SLC15A1: variants seen among roughly 807,000 people sequenced by gnomAD.
The protein encoded by SLC15A1 is solute carrier family 15 member 1.
Under a neutral mutation model 92.9 loss-of-function variants are expected in SLC15A1, and 83 were observed. The ratio of observed to expected loss-of-function variants is 0.89; its 90% CI spans 0.75 to 1.07. SLC15A1 has a LOEUF of 1.07. SLC15A1 is among the 50% of genes least tolerant of loss of function. SLC15A1 has a pLI of 0.00. For synonymous variants in SLC15A1, 322 were observed against 318.2 expected, an observed-to-expected ratio of 1.01 and a Z score of -0.13; for missense variants, 857 against 880.1, an observed-to-expected ratio of 0.97 and a Z score of 0.33.
intron 1 of SLC15A1, among the ~76,000 whole-genome samples, chr13:98,728,841 C>T (rs1448963898): frequency 6.6e-6 from 1 of 151,590 alleles, no homozygotes; most frequent in Non-Finnish European, 1.5e-5. Context: ...ATTAGCTGGG[C>T]ATGGTGGCAC....
intron 1 of SLC15A1, among the ~76,000 whole-genome samples, chr13:98,747,325 C>T (rs2088500984): frequency 6.6e-6 from 1 of 152,154 alleles, no homozygotes; most frequent in Non-Finnish European, 1.5e-5. Flanking sequence ...CCCACTTTCT[C>T]ATCCTGCAAA....
chr13:98,748,526 C>G (rs1231002225), intron 1 of SLC15A1, among the ~76,000 whole-genome samples: 1 of 152,172 alleles, frequency 6.6e-6, no homozygotes, highest in African/African-American at 2.4e-5. Context: ...AACTCCTGAG[C>G]TCAAATGATC....
Position 98,709,584 on chromosome 13 carries a change from C to A in SLC15A1, c.1055G>T (p.Gly352Val), listed in dbSNP as rs760207811. ...AVLYPLIAKC[G>V]FNFTSLKKMA... ...ACCCGTCACCTACGTGAAATTGAAG[C>A]CACATTTTGCAATGAGAGGGTACAG... Residue 352 changes from glycine (G) to valine (V), a missense_variant, in exon 14 of 23, where the codon GGC becomes GTC. Gly to Val is a moderately radical substitution (Grantham distance 109). Coordinates refer to ENST00000376503, the MANE Select transcript of SLC15A1 (RefSeq NM_005073.4). 6.2e-6 allele frequency: 10 copies of A among 1,614,038 alleles called. No homozygotes were observed. The highest frequency in any genetic ancestry group is 8.5e-6 in the Non-Finnish European group (10 of 1,180,032).
chr13:98,714,572 T>A (rs780575249), intron 9 of SLC15A1, among the ~76,000 whole-genome samples: 1 of 148,748 alleles, frequency 6.7e-6, no homozygotes, highest in Admixed American at 6.8e-5. Flanking sequence ...GGAGAATCGC[T>A]TGAACTGGGA....
At chr13:98,729,073 A>AATGAT (rs939572246) in intron 1 of SLC15A1, among the ~76,000 whole-genome samples, 1 of 151,142 alleles carries the variant, frequency 6.6e-6, no homozygotes, top group African/African-American at 2.4e-5. Flanking sequence ...AACACAAAGA[A>AATGAT]ATGATCAAGG....
At chr13:98,721,717 G>T in intron 6 of SLC15A1, 87 bp downstream of exon 6, 2 of 1,366,564 alleles carry the variant, frequency 1.5e-6, no homozygotes, top group Non-Finnish European at 2.0e-6. Context: ...AAAAGAATCC[G>T]ATGTAGAACA....
intron 1 of SLC15A1, among the ~76,000 whole-genome samples, chr13:98,751,138 C>A (rs139923530): frequency 6.6e-6 from 1 of 152,252 alleles, no homozygotes; most frequent in Non-Finnish European, 1.5e-5. Context: ...TACTAACTAA[C>A]CCTTGATATT....
chr13:98,702,578 TAG>T, intron 17 of SLC15A1, 49 bp from the exon 18 acceptor site: 2 of 1,374,660 alleles, frequency 1.5e-6, no homozygotes, highest in Non-Finnish European at 2.1e-6. Context: ...TAATATTCAT[TAG>T]AATGAGTTCA....
Position 98,702,487 on chromosome 13 carries a change from C to T in SLC15A1, c.1459G>A (p.Gly487Arg), listed in dbSNP as rs1374107908. 1.0e-5 allele frequency: 16 copies of T among 1,606,194 alleles called. No individual in the cohort carries two copies. The highest frequency in any genetic ancestry group is 2.2e-5 in the South Asian group (2 of 90,840). The change falls in exon 18 of 23, where the codon GGA becomes AGA. Residue 487 changes from glycine to arginine, a missense_variant. Gly to Arg is a moderately radical substitution (Grantham distance 125). Transcript: ENST00000376503. ...TTAAAGAAATATACATACCTGATTC[C>T]ATTTTCCCCTTTTTCTGGCTTCTGG... ...LNQKPEKGEN[G>R]IRFVNTFNEL...
Position 98,687,704 on chromosome 13 carries a change from C to T in SLC15A1, c.1704G>A (p.Val568=). The T allele has an allele frequency of 1.2e-6, 2 of 1,613,822 alleles. No individual in the cohort carries two copies. Among genetic ancestry groups the T allele is most frequent in the Non-Finnish European group, 1.7e-6 (2 of 1,179,952 alleles). ...TGGCTGAAATATCTTCAAACACCTT[C>T]ACTTCAGGGCAGCTGTCATTCTGCA... ...VQRKNDSCPE[V]KVFEDISANT... The change falls in exon 21 of 23, where the codon GTG becomes GTA. Residue 568 remains valine, a synonymous_variant. Transcript: ENST00000376503.
At chr13:98,715,534 G>A (rs1427434105) in intron 9 of SLC15A1, among the ~76,000 whole-genome samples, 6 of 152,162 alleles carry the variant, frequency 3.9e-5, no homozygotes, top group Non-Finnish European at 5.9e-5. Context: ...GAACACCTGA[G>A]ACTCTTGCTA....
chr13:98,685,441 AAAGAGTGTAAGT>A (rs953512064), intron 22 of SLC15A1, among the ~76,000 whole-genome samples: 1 of 152,236 alleles, frequency 6.6e-6, no homozygotes, highest in Non-Finnish European at 1.5e-5. Flanking sequence ...GTGCAGAAGG[AAAGAGTGTAAGT>A]ATCAGTAGAG....
intron 18 of SLC15A1, among the ~76,000 whole-genome samples, chr13:98,691,947 C>A (rs2087982305): frequency 6.6e-6 from 1 of 151,820 alleles, no homozygotes; most frequent in Non-Finnish European, 1.5e-5. Flanking sequence ...GTGGTGCATG[C>A]CTATAATCTC....
chr13:98,695,326 A>C (rs148117383), intron 18 of SLC15A1, among the ~76,000 whole-genome samples: 8 of 152,202 alleles, frequency 5.3e-5, no homozygotes, highest in African/African-American at 1.9e-4. Context: ...AGCTCAAGTA[A>C]TGCTCCCGCC....
At chr13:98,737,333 G>A (rs1030338244) in intron 1 of SLC15A1, among the ~76,000 whole-genome samples, 1 of 152,118 alleles carries the variant, frequency 6.6e-6, no homozygotes, top group African/African-American at 2.4e-5. Flanking sequence ...TCACACACTG[G>A]GGCCTGTCAT....
In SLC15A1 at chr13:98,726,556, T is replaced by C; in HGVS notation, c.22-107A>G. On this transcript the variant is annotated intron_variant, in intron 2 of 22. Coordinates refer to ENST00000376503, the MANE Select transcript of SLC15A1 (RefSeq NM_005073.4). Reference sequence around the variant, plus strand: ...GGCAGCCAACGCAGATTCAGTAACTTACCGGTGACTGTCTAGAGCAGGAAA... The same window carrying C: ...GGCAGCCAACGCAGATTCAGTAACTCACCGGTGACTGTCTAGAGCAGGAAA... 5 of 973,480 alleles carry C rather than the reference T, an allele frequency of 5.1e-6. No individual in the cohort carries two copies. The Admixed American group carries it at 5.9e-5, about 11-fold the overall frequency. The allele number at this position is 973,480 out of a possible 1,614,324, so 60.3% of individuals were successfully genotyped here. A position where few individuals can be genotyped will look rare whatever the true frequency, so the allele number is the denominator to read the frequency against.
At chr13:98,731,111 A>T (rs1594005251) in intron 1 of SLC15A1, among the ~76,000 whole-genome samples, 2 of 152,110 alleles carry the variant, frequency 1.3e-5, no homozygotes, top group African/African-American at 4.8e-5. Flanking sequence ...CTTGCAGGCC[A>T]GGGGGCAACA....
intron 18 of SLC15A1, among the ~76,000 whole-genome samples, chr13:98,695,020 CAAAAA>C (rs1170231960): frequency 2.7e-5 from 2 of 73,690 alleles, no homozygotes; most frequent in African/African-American, 1.1e-4. Flanking sequence ...GACTCCGTCT[CAAAAA>C]AAAAAAAAAA....
intron 7 of SLC15A1, 38 bp from the exon 8 acceptor site, chr13:98,719,358 T>G: frequency 7.0e-7 from 1 of 1,428,340 alleles, no homozygotes; most frequent in Non-Finnish European, 9.9e-7. Flanking sequence ...GTTATGGCAT[T>G]GGTAATGAGC....
Sources: allele counts gnomAD v4.1 joint callset (sites outside exome capture counted in the v4.1 genomes callset), GRCh38; gene constraint gnomAD v4.1.1; transcripts MANE v1.5; gene names NCBI Gene and HGNC (gene_info 2026-07-23, HGNC 2026-07-21).